Variants in ABCA12 observed in about 807,000 individuals in gnomAD.
ABCA12 encodes the protein ATP binding cassette subfamily A member 12.
Under a neutral mutation model 293.5 loss-of-function variants are expected in ABCA12, and 156 were observed. That is an observed-to-expected ratio of 0.53 (90% CI 0.47 to 0.61). The LOEUF (loss-of-function observed/expected upper bound fraction) is 0.61, where lower values mean the gene tolerates loss of function less well. Among genes scored for constraint, ABCA12 ranks in the 20% least tolerant of loss-of-function variants. The pLI, the probability that ABCA12 is intolerant of heterozygous loss-of-function variation, is 0.00. For missense variants in ABCA12, 2,797 were observed against 3,090.2 expected (o/e 0.91, Z 2.25); for synonymous variants, 1,063 against 1,108.0 (o/e 0.96, Z 0.81).
intron 11 of ABCA12, chr2:215,020,577 C>T (rs1235422628): frequency 2.0e-5 from 3 of 152,162 alleles, no homozygotes; most frequent in Non-Finnish European, 4.4e-5. Context: ...TTCAGTTTTA[C>T]AAGATGAAAT....
Position 215,113,375 on chromosome 2 carries a change from A to G in ABCA12, c.70-1685T>C, listed in dbSNP as rs552020818. On this transcript the variant is annotated intron_variant, in intron 1 of 52. Transcript: ENST00000272895. ...TTTGAACATAGCTTGAAAAGCACCCATAAAGACTGAACAACTTAATCTAAA... is the reference window on the plus strand; with the variant it reads ...TTTGAACATAGCTTGAAAAGCACCCGTAAAGACTGAACAACTTAATCTAAA... Among the ~76,000 whole-genome samples, 19 of 152,354 alleles carry G rather than the reference A, an allele frequency of 1.2e-4. No homozygotes were observed. The South Asian group carries it at 3.7e-3, about 30-fold the overall frequency.
In ABCA12 at chr2:215,112,551, C is replaced by T. The variant is rs1340338951; in HGVS notation, c.70-861G>A. Among the ~76,000 whole-genome samples, 6 of 144,096 alleles carry T rather than the reference C, an allele frequency of 4.2e-5. No individual in the cohort carries two copies. The East Asian group carries it at 6.1e-4, about 15-fold the overall frequency. The allele number at this position is 144,096 out of a possible 152,430, so 94.5% of individuals were successfully genotyped here. ...TCTTGCTCTGTCACCCAGGCTGGAT[C>T]ACAGTGGTGTGATCTTGGCTTGCTG... On this transcript the variant is annotated intron_variant, in intron 1 of 52. Transcript: ENST00000272895.
Position 214,978,909 on chromosome 2 carries a change from G to A in ABCA12, c.4872C>T (p.Ser1624=). The A allele has an allele frequency of 6.2e-7, 1 of 1,614,076 alleles. No homozygotes were observed. Among genetic ancestry groups the A allele is most frequent in the Non-Finnish European group, 8.5e-7 (1 of 1,179,974 alleles). The change falls in exon 32 of 53, where the codon AGC becomes AGT. Residue 1624 remains serine, a synonymous_variant. Transcript: ENST00000272895. ...ACAGGTAGGCCCCTGAGACTTTGGTGCTGAATGGAGGAAGTACATAAACAA... is the reference window on the plus strand; with the variant it reads ...ACAGGTAGGCCCCTGAGACTTTGGTACTGAATGGAGGAAGTACATAAACAA... The part of the protein sequence containing the change: ...GELVYVLPPF[S]TKVSGAYLSL...
Position 214,970,370 on chromosome 2 carries a change from G to A in ABCA12, c.5593C>T (p.His1865Tyr), listed in dbSNP as rs746841334. Residue 1865 changes from histidine (H) to tyrosine (Y), a missense_variant, in exon 37 of 53, where the codon CAC (histidine) becomes TAC (tyrosine). Transcript: ENST00000272895. The part of the protein sequence containing the change: ...ECPKFNYSPP[H>Y]RRTYSSQVIY... ...ACCTGGGATGAGTAAGTTCTTCTGTGCGGTGGGGAATAGTTAAATTTAGGA... is the reference window on the plus strand; with the variant it reads ...ACCTGGGATGAGTAAGTTCTTCTGTACGGTGGGGAATAGTTAAATTTAGGA... The A allele has an allele frequency of 2.5e-6, 4 of 1,613,240 alleles. No homozygotes were observed. Among genetic ancestry groups the A allele is most frequent in the Non-Finnish European group, 3.4e-6 (4 of 1,179,432 alleles).
At chr2:215,017,914 C>T in intron 14 of ABCA12, 94 bp downstream of exon 14, 1 of 1,559,634 alleles carries the variant, frequency 6.4e-7, no homozygotes, top group Non-Finnish European at 8.8e-7. Context: ...TAGCATGCAA[C>T]TTCTCAGTGT....
chr2:215,076,481 T>C (rs1701836193), intron 2 of ABCA12, among the ~76,000 whole-genome samples: 2 of 152,206 alleles, frequency 1.3e-5, no homozygotes, highest in South Asian at 4.1e-4. Flanking sequence ...GATTCCGTTT[T>C]ACATCTATCA....
At chr2:215,109,768 T>C (rs999279212) in intron 2 of ABCA12, among the ~76,000 whole-genome samples, 7 of 152,196 alleles carry the variant, frequency 4.6e-5, no homozygotes, top group Admixed American at 1.3e-4. Context: ...TATCAATTAA[T>C]TTAAGACTGC....
chr2:215,017,120 T>C (rs1380270720), intron 14 of ABCA12, among the ~76,000 whole-genome samples: 3 of 152,180 alleles, frequency 2.0e-5, no homozygotes, highest in African/African-American at 7.2e-5. Flanking sequence ...CCAATTAAAA[T>C]GACAAGAGAT....
At chr2:214,937,713 A>C (rs1451622555) in intron 50 of ABCA12, 98 bp from the exon 51 acceptor site, 3 of 842,134 alleles carry the variant, frequency 3.6e-6, no homozygotes, top group African/African-American at 1.7e-5. Flanking sequence ...GCCAACCATT[A>C]TATCACCTTT....
chr2:214,949,369 T>TACAC (rs1476383736), intron 45 of ABCA12, among the ~76,000 whole-genome samples: 7 of 143,512 alleles, frequency 4.9e-5, no homozygotes, highest in African/African-American at 2.0e-4. Flanking sequence ...TATATATATA[T>TACAC]ATATATATAC....
intron 33 of ABCA12, among the ~76,000 whole-genome samples, chr2:214,977,531 A>T (rs1378451011): frequency 1.3e-5 from 2 of 152,214 alleles, no homozygotes; most frequent in Non-Finnish European, 2.9e-5. Flanking sequence ...AACTGTTGAA[A>T]TGACTACTCC....
At chr2:215,004,930 T>C (rs1432069818) in intron 19 of ABCA12, 1 of 152,204 alleles carries the variant, frequency 6.6e-6, no homozygotes, top group African/African-American at 2.4e-5. Flanking sequence ...CTTTAAACTC[T>C]ATCAATGGAA....
chr2:214,957,496 G>T (rs1698986705), intron 41 of ABCA12, among the ~76,000 whole-genome samples: 1 of 152,180 alleles, frequency 6.6e-6, no homozygotes, highest in African/African-American at 2.4e-5. Context: ...GTTAAGTCCT[G>T]AGAAGTCATT....
In ABCA12 at chr2:214,958,407, C is replaced by T; in HGVS notation, c.5987G>A (p.Gly1996Asp). The T allele has an allele frequency of 6.2e-7, 1 of 1,613,880 alleles. No individual in the cohort carries two copies. The highest frequency in any genetic ancestry group is 2.2e-5 in the East Asian group (1 of 44,842). ...DILVALSILM[G>D]YSVTTASFVT... is the part of the protein sequence containing the mutation. ...AAAGCTGGCGGTGGTGACAGAGTAG[C>T]CCATCAAGATAGACAGTGCCACTAA... Residue 1996 changes from glycine to aspartate, a missense_variant, in exon 41 of 53, where the codon GGC (glycine) becomes GAC (aspartate). Gly to Asp is a moderately conservative substitution (Grantham distance 94). Coordinates refer to ENST00000272895, the MANE Select transcript of ABCA12 (RefSeq NM_173076.3).
Position 214,992,381 on chromosome 2 carries a change from T to C in ABCA12, c.3295-1350A>G, listed in dbSNP as rs551589989. On this transcript the variant is annotated intron_variant, in intron 23 of 52. Coordinates refer to ENST00000272895, the MANE Select transcript of ABCA12 (RefSeq NM_173076.3). Reference sequence around the variant, plus strand: ...TGGCGTGAACCTGGGAGGCGGAGCTTGCAGTGAGCCGAGATCACACCACTG... The same window carrying C: ...TGGCGTGAACCTGGGAGGCGGAGCTCGCAGTGAGCCGAGATCACACCACTG... Among the ~76,000 whole-genome samples the C allele has an allele frequency of 2.3e-4, 31 of 136,658 alleles. 1 individual carries two copies. In the South Asian group the frequency reaches 5.0e-3, roughly 22 times the overall value. The allele number at this position is 136,658 out of a possible 152,430, so 89.7% of individuals were successfully genotyped here.
intron 1 of ABCA12, among the ~76,000 whole-genome samples, chr2:215,134,079 C>A (rs574188151): frequency 3.2e-4 from 49 of 152,026 alleles, no homozygotes; most frequent in Non-Finnish European, 6.9e-4. Flanking sequence ...GAGACATTTA[C>A]TCCAAGAATA....
chr2:214,985,370 C>G (rs1699762595), intron 28 of ABCA12, among the ~76,000 whole-genome samples: 1 of 152,054 alleles, frequency 6.6e-6, no homozygotes, highest in Non-Finnish European at 1.5e-5. Context: ...TACACGGACA[C>G]AGAGAAGGTA....
At chr2:214,973,562 C>T (rs1428910063) in intron 36 of ABCA12, among the ~76,000 whole-genome samples, 4 of 152,094 alleles carry the variant, frequency 2.6e-5, no homozygotes, top group Non-Finnish European at 4.4e-5. Flanking sequence ...CTGTTCTAGA[C>T]TTATACATTA....
chr2:215,134,045 T>C (rs933986555), intron 1 of ABCA12, among the ~76,000 whole-genome samples: 2 of 151,974 alleles, frequency 1.3e-5, no homozygotes, highest in African/African-American at 2.4e-5. Flanking sequence ...AATTCTGATA[T>C]CTTACTTTAC....
Sources: allele counts gnomAD v4.1 joint callset (sites outside exome capture counted in the v4.1 genomes callset), GRCh38; gene constraint gnomAD v4.1.1; transcripts MANE v1.5; gene names NCBI Gene and HGNC (gene_info 2026-07-23, HGNC 2026-07-21).